TENM2: variants seen among roughly 807,000 people sequenced by gnomAD.
The protein encoded by TENM2 is teneurin-2.
A neutral mutation model predicts 245.2 loss-of-function variants in TENM2; 52 were observed. The observed-to-expected ratio is 0.21, with a 90% CI of 0.17 to 0.27. The LOEUF (loss-of-function observed/expected upper bound fraction) is 0.27, where lower values mean the gene tolerates loss of function less well. TENM2 is among the 10% of genes least tolerant of loss of function. The pLI is 1.00. For synonymous variants in TENM2, 1,363 were observed against 1,438.9 expected (o/e 0.95, Z 1.19); for missense variants, 3,046 against 3,666.8 (o/e 0.83, Z 4.37).
chr5:167,522,647 G>T (rs922748392), intron 2 of TENM2, among the ~76,000 whole-genome samples: 1 of 151,898 alleles, frequency 6.6e-6, no homozygotes, highest in Non-Finnish European at 1.5e-5. Context: ...CTACTTAAAA[G>T]GCACATTTTT....
At chr5:167,527,856 C>T (rs1771225427) in intron 2 of TENM2, among the ~76,000 whole-genome samples, 1 of 152,024 alleles carries the variant, frequency 6.6e-6, no homozygotes, top group African/African-American at 2.4e-5. Context: ...TAGAGTTAAC[C>T]TTCAATGTAC....
chr5:167,383,673 A>G (rs1017668107), intron 2 of TENM2, among the ~76,000 whole-genome samples: 2 of 145,758 alleles, frequency 1.4e-5, no homozygotes, highest in African/African-American at 5.0e-5. Context: ...CGTTAAAACT[A>G]GTGAGATCAT....
intron 2 of TENM2, among the ~76,000 whole-genome samples, chr5:167,473,925 G>C (rs1320013932): frequency 6.6e-6 from 1 of 152,082 alleles, no homozygotes; most frequent in Admixed American, 6.5e-5. Flanking sequence ...GCTTTGCAAT[G>C]GGCCTGAGTT....
At chr5:168,220,614 T>C (rs1763585878) in intron 23 of TENM2, among the ~76,000 whole-genome samples, 1 of 152,206 alleles carries the variant, frequency 6.6e-6, no homozygotes, top group African/African-American at 2.4e-5. Flanking sequence ...CTTTTCTACC[T>C]GAAAAGATGG....
At chr5:167,376,865 G>A (rs1478100007) in intron 2 of TENM2, among the ~76,000 whole-genome samples, 1 of 152,140 alleles carries the variant, frequency 6.6e-6, no homozygotes, top group Non-Finnish European at 1.5e-5. Context: ...GCTTCATTGT[G>A]TGTGTCATAT....
At chr5:167,451,599 C>A (rs182860975) in intron 2 of TENM2, among the ~76,000 whole-genome samples, 12 of 151,866 alleles carry the variant, frequency 7.9e-5, no homozygotes, top group Non-Finnish European at 1.6e-4. Context: ...TCTGGGATGA[C>A]GTTTTCTATC....
At chr5:167,495,266 G>T (rs1295331045) in intron 2 of TENM2, among the ~76,000 whole-genome samples, 2 of 147,984 alleles carry the variant, frequency 1.4e-5, no homozygotes, top group African/African-American at 5.0e-5. Flanking sequence ...TGCATATTGA[G>T]ACTATAGACA....
At chr5:167,380,131 T>C (rs1343935969) in intron 2 of TENM2, among the ~76,000 whole-genome samples, 1 of 152,140 alleles carries the variant, frequency 6.6e-6, no homozygotes, top group Non-Finnish European at 1.5e-5. Context: ...TTTCCATTCC[T>C]AAATGAAAGA....
chr5:167,660,596 CATATT>C (rs1455458443), intron 2 of TENM2: 1 of 149,534 alleles, frequency 6.7e-6, no homozygotes, highest in African/African-American at 2.5e-5. Context: ...TGTATACTGA[CATATT>C]AAAGGCTCTA....
intron 2 of TENM2, among the ~76,000 whole-genome samples, chr5:167,864,416 A>T (rs150152710): frequency 3.3e-5 from 5 of 152,224 alleles, no homozygotes; most frequent in Non-Finnish European, 7.3e-5. Flanking sequence ...AATAACACAT[A>T]CCATTTAATT....
At chr5:167,116,490 G>A in the TENM2 span, 2 of 152,354 alleles carry the variant, frequency 1.3e-5, no homozygotes, top group East Asian at 3.9e-4. Context: ...GAAGACTTGA[G>A]TGGTACATTT....
chr5:167,966,288 C>T (rs930348165), intron 4 of TENM2, among the ~76,000 whole-genome samples: 16 of 152,176 alleles, frequency 1.1e-4, no homozygotes, highest in Admixed American at 3.3e-4. Context: ...CTCTGCAACT[C>T]GTAGGATCTT....
chr5:167,697,200 G>A (rs558476103), intron 2 of TENM2, among the ~76,000 whole-genome samples: 5 of 152,272 alleles, frequency 3.3e-5, no homozygotes, highest in South Asian at 4.2e-4. Context: ...GCCTGAGAAA[G>A]GCTGCTCCAT....
chr5:168,062,937 T>C (rs1301552801), intron 7 of TENM2, among the ~76,000 whole-genome samples: 3 of 152,192 alleles, frequency 2.0e-5, no homozygotes, highest in South Asian at 4.1e-4. Context: ...GGTGATGGTT[T>C]ACCCAACATA....
At chr5:168,254,068 T>C (rs1056566857) in intron 27 of TENM2, among the ~76,000 whole-genome samples, 1 of 152,204 alleles carries the variant, frequency 6.6e-6, no homozygotes, top group South Asian at 2.1e-4. Context: ...ACAACCTCCT[T>C]CTCACATCAT....
chr5:167,926,828 G>A (rs1336694759), intron 3 of TENM2, among the ~76,000 whole-genome samples: 1 of 151,382 alleles, frequency 6.6e-6, no homozygotes, highest in Non-Finnish European at 1.5e-5. Context: ...CAATTCCTTA[G>A]TTGTGATACT....
At chr5:168,215,293 G>A in intron 21 of TENM2, 21 bp downstream of exon 23, 1 of 1,597,640 alleles carries the variant, frequency 6.3e-7, no homozygotes, top group Non-Finnish European at 8.6e-7. Flanking sequence ...TCAAGGAAGA[G>A]TCTCCCGCCC....
intron 2 of TENM2, among the ~76,000 whole-genome samples, chr5:167,477,889 G>T (rs1446863928): frequency 6.6e-6 from 1 of 152,052 alleles, no homozygotes; most frequent in Non-Finnish European, 1.5e-5. Context: ...AGCAAGTAAT[G>T]AAGAAAAAAA....
At chr5:168,242,279 T>C (rs1333577549) in intron 25 of TENM2, among the ~76,000 whole-genome samples, 1 of 152,180 alleles carries the variant, frequency 6.6e-6, no homozygotes, top group Admixed American at 6.5e-5. Context: ...AATGCAAGTG[T>C]CTGTGGTATT....
Sources: allele counts gnomAD v4.1 joint callset (sites outside exome capture counted in the v4.1 genomes callset), GRCh38; gene constraint gnomAD v4.1.1; transcripts MANE v1.5; gene names NCBI Gene and HGNC (gene_info 2026-07-23, HGNC 2026-07-21).